Variants in NOS1AP observed in about 807,000 individuals in gnomAD.
NOS1AP encodes the protein carboxyl-terminal PDZ ligand of neuronal nitric oxide synthase protein.
In NOS1AP, 21 loss-of-function variants were observed where a neutral mutation model predicts 56.2. That is an observed-to-expected ratio of 0.37 (90% CI 0.26 to 0.54). The LOEUF is 0.54. Ranked by LOEUF, NOS1AP falls within the 20% of genes least tolerant of loss-of-function variation. NOS1AP has a pLI of 0.84. For missense variants in NOS1AP, 522 were observed against 657.8 expected (o/e 0.79, Z 2.26); for synonymous variants, 270 against 274.6 (o/e 0.98, Z 0.17).
intron 2 of NOS1AP, among the ~76,000 whole-genome samples, chr1:162,285,997 CAGAT>C (rs1312919926): frequency 2.0e-5 from 3 of 152,120 alleles, no homozygotes; most frequent in African/African-American, 4.8e-5. Context: ...CTTGTGGAAA[CAGAT>C]AGCCAAGAAG....
chr1:162,304,221 C>T (rs1322597965), intron 4 of NOS1AP, among the ~76,000 whole-genome samples: 1 of 152,132 alleles, frequency 6.6e-6, no homozygotes, highest in Non-Finnish European at 1.5e-5. Flanking sequence ...CTCTCTCCCT[C>T]CCTCTCTGCA....
At chr1:162,170,046 T>A (rs1650689505) in intron 2 of NOS1AP, among the ~76,000 whole-genome samples, 2 of 152,212 alleles carry the variant, frequency 1.3e-5, no homozygotes, top group African/African-American at 4.8e-5. Flanking sequence ...GTGCACCCCT[T>A]TGAACTCAGA....
chr1:162,116,928 G>T (rs1447825616), intron 1 of NOS1AP, among the ~76,000 whole-genome samples: 1 of 152,136 alleles, frequency 6.6e-6, no homozygotes, highest in Non-Finnish European at 1.5e-5. Flanking sequence ...CTTTTTGGGG[G>T]GGCTGGAGGG....
intron 4 of NOS1AP, among the ~76,000 whole-genome samples, chr1:162,327,062 G>T: frequency 6.6e-6 from 1 of 152,190 alleles, no homozygotes; most frequent in Admixed American, 6.5e-5. Context: ...ATTACTGAGA[G>T]AACTGAAACC....
intron 1 of NOS1AP, among the ~76,000 whole-genome samples, chr1:162,084,393 G>A (rs1229943256): frequency 1.3e-5 from 2 of 152,128 alleles, no homozygotes; most frequent in South Asian, 2.1e-4. Context: ...GTTGGAAAGG[G>A]CAGGGGCAAC....
At chr1:162,184,399 A>G (rs1288591778) in intron 2 of NOS1AP, among the ~76,000 whole-genome samples, 1 of 152,266 alleles carries the variant, frequency 6.6e-6, no homozygotes, top group Non-Finnish European at 1.5e-5. Context: ...ACATGCTGTT[A>G]GAAGAATAGC....
chr1:162,210,633 G>A (rs1652321103), intron 2 of NOS1AP, among the ~76,000 whole-genome samples: 1 of 152,146 alleles, frequency 6.6e-6, no homozygotes, highest in Admixed American at 6.5e-5. Context: ...GGGCATATTG[G>A]TGCCACTTGT....
rs114702823 is a variant in NOS1AP at position 162,277,269 on chromosome 1, C to G, written c.178-10075C>G. On this transcript the variant is annotated intron_variant, in intron 2 of 9. Transcript: ENST00000361897. ...AGAAACTACTTTTCAAAGAGAGCTG[C>G]CAGTATTCTGTTAGAGGCTGAATGA... Among the ~76,000 whole-genome samples the G allele has an allele frequency of 6.7e-3, 1,024 of 152,312 alleles. 12 individuals carry two copies. Among genetic ancestry groups the G allele is most frequent in the African/African-American group, 0.023 (962 of 41,562 alleles).
chr1:162,215,475 GCT>G (rs1181240971), intron 2 of NOS1AP, among the ~76,000 whole-genome samples: 2 of 152,206 alleles, frequency 1.3e-5, no homozygotes, highest in African/African-American at 4.8e-5. Flanking sequence ...GCTGTCTGCT[GCT>G]CTCTGTCCTG....
intron 2 of NOS1AP, among the ~76,000 whole-genome samples, chr1:162,157,891 CCTCT>C (rs2102102555): frequency 6.6e-6 from 1 of 152,090 alleles, no homozygotes; most frequent in African/African-American, 2.4e-5. Context: ...TTTCCTCTTC[CCTCT>C]CTCTATTTCT....
At chr1:162,275,408 C>A (rs1003140998) in intron 2 of NOS1AP, among the ~76,000 whole-genome samples, 1 of 152,182 alleles carries the variant, frequency 6.6e-6, no homozygotes, top group East Asian at 1.9e-4. Context: ...GAACTCCTGA[C>A]CTCAGGTGAT....
chr1:162,318,421 G>A lies in NOS1AP; in HGVS notation c.345-14596G>A, dbSNP rs542933543. On this transcript the variant is annotated intron_variant, in intron 4 of 9. Coordinates refer to ENST00000361897, the MANE Select transcript of NOS1AP (RefSeq NM_014697.3). ...GTCTTAGTTGCAGAATCCCTGGCTC[G>A]CTTTCTGTCTGCATCTTATTCAGTC... Among the ~76,000 whole-genome samples the A allele has an allele frequency of 1.4e-3, 217 of 152,234 alleles. 2 individuals carry two copies. Among genetic ancestry groups the A allele is most frequent in the Middle Eastern group, 6.8e-3 (2 of 292 alleles).
chr1:162,253,229 G>C (rs985066454), intron 2 of NOS1AP, among the ~76,000 whole-genome samples: 7 of 152,088 alleles, frequency 4.6e-5, no homozygotes, highest in South Asian at 2.1e-4. Context: ...TTCCGCCATG[G>C]GACGATGCAG....
At chr1:162,198,562 G>T (rs554372493) in intron 2 of NOS1AP, among the ~76,000 whole-genome samples, 25 of 152,332 alleles carry the variant, frequency 1.6e-4, no homozygotes, top group Admixed American at 5.2e-4. Context: ...ACTCTGAGAG[G>T]ATGGGCCTCA....
chr1:162,340,318 T>G (rs530888467), intron 5 of NOS1AP, among the ~76,000 whole-genome samples: 3 of 152,230 alleles, frequency 2.0e-5, no homozygotes, highest in Non-Finnish European at 4.4e-5. Flanking sequence ...ATGTAGAAAC[T>G]ATCATACTAG....
At chr1:162,305,941 A>G (rs1215803860) in intron 4 of NOS1AP, among the ~76,000 whole-genome samples, 1 of 152,244 alleles carries the variant, frequency 6.6e-6, no homozygotes. Flanking sequence ...ATGTTCAATT[A>G]AATGTAATTG....
intron 2 of NOS1AP, among the ~76,000 whole-genome samples, chr1:162,197,522 AGTCTGTTCC>A (rs1651848663): frequency 6.6e-6 from 1 of 152,216 alleles, no homozygotes; most frequent in African/African-American, 2.4e-5. Flanking sequence ...AACTGAGCCT[AGTCTGTTCC>A]TAAAAATAAG....
chr1:162,369,145 G>A lies in NOS1AP; in HGVS notation c.*1678G>A, dbSNP rs1647285438. ...TGTGAGGGAAAGTGTGTACATATAT[G>A]TAGGATTGTAACCAGACGGAAAAGA... On this transcript the variant is annotated 3_prime_UTR_variant, in exon 10 of 10. Transcript: ENST00000361897. 6.6e-6 allele frequency: 1 copy of A among 152,192 alleles called. No individual in the cohort carries two copies. The allele number at this position is 152,192 out of a possible 1,614,324, so 9.4% of individuals were successfully genotyped here. A position where few individuals can be genotyped will look rare whatever the true frequency, so the allele number is the denominator to read the frequency against.
intron 5 of NOS1AP, among the ~76,000 whole-genome samples, chr1:162,339,008 A>G (rs1481912908): frequency 1.3e-5 from 2 of 152,168 alleles, no homozygotes; most frequent in Non-Finnish European, 2.9e-5. Flanking sequence ...GGGATGTCCT[A>G]GGGTTGTGGG....
Sources: allele counts gnomAD v4.1 joint callset (sites outside exome capture counted in the v4.1 genomes callset), GRCh38; gene constraint gnomAD v4.1.1; transcripts MANE v1.5; gene names NCBI Gene and HGNC (gene_info 2026-07-23, HGNC 2026-07-21).